The following BLK variants were observed in gnomAD, a reference collection of about 807,000 sequenced individuals.
The protein encoded by BLK is BLK proto-oncogene, Src family tyrosine kinase.
A neutral mutation model predicts 61.8 loss-of-function variants in BLK; 64 were observed. The observed-to-expected ratio is 1.03, with a 90% confidence interval of 0.85 to 1.27. The LOEUF (loss-of-function observed/expected upper bound fraction) is 1.27. Ranked by LOEUF, BLK falls within the 50% of genes most tolerant of loss-of-function variation. The pLI is 0.00. For synonymous variants in BLK, 351 were observed against 272.0 expected (o/e 1.29, Z -2.86); for missense variants, 853 against 660.5 (o/e 1.29, Z -3.19).
rs114502890 is a variant in BLK at position 11,538,221 on chromosome 8, C to G, written c.-1-5003C>G. On this transcript the variant is annotated intron_variant, in intron 1 of 12. Transcript: ENST00000259089. The stretch of plus-strand genomic sequence containing the variant: ...TCTCACAAACATACACAGACTCACA[C>G]CCTTCCCACAATGCAGCAAAGCCAT... 5.3e-3 allele frequency among the ~76,000 whole-genome samples: 805 copies of G among 152,326 alleles called. 3 individuals carry two copies. The highest frequency in any genetic ancestry group is 0.018 in the African/African-American group (760 of 41,572).
chr8:11,538,272 C>T (rs559402341), intron 1 of BLK, among the ~76,000 whole-genome samples: 12 of 152,318 alleles, frequency 7.9e-5, no homozygotes, highest in Non-Finnish European at 1.5e-4. Flanking sequence ...GTGTGTGATG[C>T]GTTTTGCCTC....
At chr8:11,531,755 C>T (rs1799894521) in intron 1 of BLK, among the ~76,000 whole-genome samples, 1 of 152,204 alleles carries the variant, frequency 6.6e-6, no homozygotes, top group African/African-American at 2.4e-5. Flanking sequence ...ACCTTTTTCT[C>T]CCTGTGCTTC....
Position 11,520,476 on chromosome 8 carries a change from CAAAAAAAAAAAA to C in BLK, c.-1-22733_-1-22722del, listed in dbSNP as rs71203393. On this transcript the variant is annotated intron_variant, in intron 1 of 12. Coordinates refer to ENST00000259089, the MANE Select transcript of BLK (RefSeq NM_001715.3). ...TGGGCAATGGAGCAAGACCTTGTCT[CAAAAAAAAAAAA>C]AAAAAAAAAAAAAAGGAAGAAAGAA... Among the ~76,000 whole-genome samples, 190 of 69,678 alleles carry C rather than the reference CAAAAAAAAAAAA, an allele frequency of 2.7e-3. 2 individuals are homozygous for C. The highest frequency in any genetic ancestry group is 8.8e-3 in the African/African-American group (176 of 20,020). The allele number at this position is 69,678 out of a possible 152,430, so 45.7% of individuals were successfully genotyped here. A position where few individuals can be genotyped will look rare whatever the true frequency, so the allele number is the denominator to read the frequency against.
At chr8:11,529,215 G>C (rs931083) in intron 1 of BLK, among the ~76,000 whole-genome samples, 2,593 of 152,228 alleles carry the variant, frequency 0.017, 44 homozygotes, top group African/African-American at 0.045. Flanking sequence ...TCAAGACAGA[G>C]GAATTGCAAA....
chr8:11,550,518 C>G (rs995849728), intron 6 of BLK, among the ~76,000 whole-genome samples: 2 of 152,238 alleles, frequency 1.3e-5, no homozygotes, highest in African/African-American at 4.8e-5. Flanking sequence ...CCAGACTGGC[C>G]CTGCTGCCCA....
At chr8:11,534,726 A>T (rs1171731670) in intron 1 of BLK, among the ~76,000 whole-genome samples, 1 of 152,234 alleles carries the variant, frequency 6.6e-6, no homozygotes, top group Non-Finnish European at 1.5e-5. Context: ...CGAAGTACCT[A>T]AAAGTCACAG....
At chr8:11,529,234 A>G (rs901268772) in intron 1 of BLK, among the ~76,000 whole-genome samples, 3 of 152,198 alleles carry the variant, frequency 2.0e-5, no homozygotes, top group African/African-American at 7.2e-5. Context: ...AAAGAGAAAG[A>G]GTAATTCACA....
At chr8:11,511,219 C>T (rs938517752) in intron 1 of BLK, among the ~76,000 whole-genome samples, 8 of 152,112 alleles carry the variant, frequency 5.3e-5, no homozygotes, top group Non-Finnish European at 1.2e-4. Context: ...GAATACAGCT[C>T]GGTCTTTTGT....
At chr8:11,501,962 A>G (rs1163405860) in intron 1 of BLK, among the ~76,000 whole-genome samples, 1 of 152,232 alleles carries the variant, frequency 6.6e-6, no homozygotes, top group Non-Finnish European at 1.5e-5. Flanking sequence ...AAGCATAGAA[A>G]ATCCATGAAA....
At chr8:11,532,349 G>C (rs2729934) in intron 1 of BLK, among the ~76,000 whole-genome samples, 84,799 of 148,036 alleles carry the variant, frequency 0.57, 24,866 homozygotes, top group Non-Finnish European at 0.64. Context: ...CAGGCACGCA[G>C]CACCATGCCC....
intron 1 of BLK, among the ~76,000 whole-genome samples, chr8:11,524,888 T>G (rs1799592032): frequency 6.7e-6 from 1 of 148,876 alleles, no homozygotes. Flanking sequence ...CAAAACAGGA[T>G]GTAGATAATG....
At chr8:11,496,164 T>C (rs188336408) in intron 1 of BLK, among the ~76,000 whole-genome samples, 1 of 152,350 alleles carries the variant, frequency 6.6e-6, no homozygotes. Flanking sequence ...TTGCCTCTCT[T>C]CATAGTATTT....
chr8:11,519,315 A>C (rs1799349081), intron 1 of BLK, among the ~76,000 whole-genome samples: 1 of 152,212 alleles, frequency 6.6e-6, no homozygotes, highest in Admixed American at 6.5e-5. Flanking sequence ...TCTGGACAGC[A>C]ATTTGGCTGT....
chr8:11,530,555 C>T (rs1245934043), intron 1 of BLK, among the ~76,000 whole-genome samples: 1 of 152,172 alleles, frequency 6.6e-6, no homozygotes, highest in East Asian at 1.9e-4. Flanking sequence ...ACTATATTGC[C>T]TTATGTTAAA....
In BLK at chr8:11,558,303, C is replaced by T. The variant is rs6983727; in HGVS notation, c.1029+265C>T. On this transcript the variant is annotated intron_variant, in intron 10 of 12. Transcript: ENST00000259089. The stretch of plus-strand genomic sequence containing the variant: ...CCCGGGCTGCTGTGTTGGAATGAGG[C>T]TATTCTGTTCCGAAGGAAGAGAGGG... 0.35 allele frequency among the ~76,000 whole-genome samples: 53,069 copies of T among 152,154 alleles called. 10,818 individuals carry two copies. The highest frequency in any genetic ancestry group is 0.48 in the Non-Finnish European group (32,404 of 67,958).
At chr8:11,494,881 G>A (rs1486749073) in intron 1 of BLK, among the ~76,000 whole-genome samples, 2 of 152,250 alleles carry the variant, frequency 1.3e-5, no homozygotes, top group Non-Finnish European at 2.9e-5. Flanking sequence ...GTGGGATGTA[G>A]AGAGGGGGTT....
At position 11,545,914 on chromosome 8, in the gene BLK, G is replaced by A. The variant is rs191557453; in HGVS notation, c.124-138G>A. ...CCTGGGTACAGAATGTCCCTGAGCA[G>A]CCCCCACAGGCAGCTGCCTCTCCTC... On this transcript the variant is annotated intron_variant, in intron 2 of 12. Transcript: ENST00000259089. 5.5e-4 allele frequency: 492 copies of A among 890,978 alleles called. 2 individuals are homozygous for A. The African/African-American group carries it at 7.4e-3, about 13-fold the overall frequency. The allele number at this position is 890,978 out of a possible 1,614,324, so 55.2% of individuals were successfully genotyped here.
At chr8:11,535,257 G>GAAA (rs1800068237) in intron 1 of BLK, among the ~76,000 whole-genome samples, 1 of 111,836 alleles carries the variant, frequency 8.9e-6, no homozygotes, top group Non-Finnish European at 1.8e-5. Context: ...AGGAAAGAAA[G>GAAA]AAAGAAGAAA....
chr8:11,517,356 C>A (rs758042075), intron 1 of BLK, among the ~76,000 whole-genome samples: 5 of 152,146 alleles, frequency 3.3e-5, no homozygotes, highest in Non-Finnish European at 5.9e-5. Context: ...TGGAAATTGA[C>A]CAGGAACTCA....
Sources: allele counts gnomAD v4.1 joint callset (sites outside exome capture counted in the v4.1 genomes callset), GRCh38; gene constraint gnomAD v4.1.1; transcripts MANE v1.5; gene names NCBI Gene and HGNC (gene_info 2026-07-23, HGNC 2026-07-21).